CHD4: variants seen among roughly 807,000 people sequenced by gnomAD.
The protein encoded by CHD4 is ATP-dependent chromatin remodeler CHD4.
Under a neutral mutation model 235.5 loss-of-function variants are expected in CHD4, and 35 were observed. The ratio of observed to expected loss-of-function variants is 0.15; its 90% CI spans 0.11 to 0.20. The LOEUF (loss-of-function observed/expected upper bound fraction) is 0.20, where lower values mean the gene tolerates loss of function less well. Among genes scored for constraint, CHD4 ranks in the 10% least tolerant of loss-of-function variants. The probability of loss-of-function intolerance (pLI) is 1.00; values close to 1 mark genes in which losing one functional copy is unlikely to be tolerated. For missense variants in CHD4, 1,329 were observed against 2,432.3 expected (o/e 0.55, Z 9.54); for synonymous variants, 900 against 850.2 (o/e 1.06, Z -1.02).
intron 29 of CHD4, 35 bp from the exon 30 acceptor site, chr12:6,582,316 A>T: frequency 6.5e-7 from 1 of 1,526,826 alleles, no homozygotes; most frequent in Non-Finnish European, 8.8e-7. Context: ...TTAAATAGGG[A>T]TCATGCTGAC....
In CHD4 at chr12:6,575,726, G is replaced by A. The variant is rs185054639; in HGVS notation, c.5361+2059C>T. The stretch of plus-strand genomic sequence containing the variant: ...AAACTTTCAGTGGCTGCCCATTAAC[G>A]ATAGCGTAAAGTCCAAACTCTCTTA... On this transcript the variant is annotated intron_variant, in intron 37 of 39. Coordinates refer to ENST00000544040, the MANE Select transcript of CHD4 (RefSeq NM_001273.5). 2.6e-3 allele frequency among the ~76,000 whole-genome samples: 388 copies of A among 152,084 alleles called. 1 individual carries two copies. The highest frequency in any genetic ancestry group is 8.8e-3 in the African/African-American group (365 of 41,480).
rs1947947898 is a variant in CHD4, at chr12:6,570,619, C to G, written c.*57G>C. ...CAGGCCCCCAGGGGAGAAGCTGGGA[C>G]AAGAGAAAGTGAGGAAGGTCACTGC... On this transcript the variant is annotated 3_prime_UTR_variant, in exon 40 of 40. Transcript: ENST00000544040. 1.2e-6 allele frequency: 2 copies of G among 1,611,178 alleles called. No individual in the cohort carries two copies. Among genetic ancestry groups the G allele is most frequent in the Non-Finnish European group, 1.7e-6 (2 of 1,177,676 alleles).
At chr12:6,588,026 C>T (rs1000457618) in intron 23 of CHD4, 77 bp from the exon 24 acceptor site, 48 of 1,454,208 alleles carry the variant, frequency 3.3e-5, no homozygotes, top group East Asian at 2.7e-4. Context: ...ACATAATATT[C>T]TAAATTCAGT....
chr12:6,576,605 C>T (rs1054095366), intron 37 of CHD4, among the ~76,000 whole-genome samples: 2 of 152,076 alleles, frequency 1.3e-5, no homozygotes, highest in South Asian at 2.1e-4. Flanking sequence ...TCTCTGAGAA[C>T]TTTCTTTTCT....
chr12:6,599,002 T>A (rs1288762149), intron 10 of CHD4, among the ~76,000 whole-genome samples: 3 of 152,200 alleles, frequency 2.0e-5, no homozygotes, highest in African/African-American at 7.2e-5. Context: ...AGGATTTGCG[T>A]GCCACCATCA....
At chr12:6,592,918 C>T in intron 17 of CHD4, 101 bp from the exon 18 acceptor site, 1 of 1,518,522 alleles carries the variant, frequency 6.6e-7, no homozygotes, top group Non-Finnish European at 8.9e-7. Flanking sequence ...TTAAGCATCC[C>T]ACTCCTCACA....
At chr12:6,588,246 C>A (rs373458230) in intron 23 of CHD4, 52 bp downstream of exon 23, 2 of 1,594,966 alleles carry the variant, frequency 1.3e-6, no homozygotes, top group African/African-American at 2.7e-5. Context: ...GGCCACTATG[C>A]CTTTCTAGCA....
chr12:6,600,864 G>T, intron 7 of CHD4, 62 bp downstream of exon 7: 1 of 1,527,998 alleles, frequency 6.5e-7, no homozygotes, highest in East Asian at 2.3e-5. Context: ...GGTTCTGATA[G>T]AAGGTCACAT....
chr12:6,573,012 C>CA, intron 38 of CHD4, 62 bp downstream of exon 38: 1 of 1,483,506 alleles, frequency 6.7e-7, no homozygotes, highest in Non-Finnish European at 9.1e-7. Flanking sequence ...AATATATGTA[C>CA]ATTAGGATGC....
rs1173311189 is a variant in CHD4, at chr12:6,601,587, GAA to G, written c.557+59_558-58del. The stretch of plus-strand genomic sequence containing the variant: ...AGGTTTAAGAATAAAAAAAGAAAGA[GAA>G]GTAAGAAGAGAGAACAGAAAGATTC... On this transcript the variant is annotated intron_variant, in intron 5 of 39. Transcript: ENST00000544040. The G allele has an allele frequency of 3.7e-6, 6 of 1,612,798 alleles. No individual in the cohort carries two copies. The East Asian group carries it at 1.1e-4, about 30-fold the overall frequency.
chr12:6,581,263 T>C, intron 32 of CHD4, 28 bp downstream of exon 32: 5 of 1,613,858 alleles, frequency 3.1e-6, no homozygotes, highest in Middle Eastern at 1.7e-4. Flanking sequence ...TTGTCTTTAG[T>C]ATGGCATTCA....
At chr12:6,595,605 T>C (rs1948476263) in intron 13 of CHD4, among the ~76,000 whole-genome samples, 175 bp from the exon 14 acceptor site, 1 of 151,950 alleles carries the variant, frequency 6.6e-6, no homozygotes, top group Admixed American at 6.6e-5. Context: ...CTGGTCAACA[T>C]GGTGAAACCC....
At chr12:6,596,505 T>C (rs61918045) in intron 12 of CHD4, among the ~76,000 whole-genome samples, 2 of 145,874 alleles carry the variant, frequency 1.4e-5, no homozygotes, top group African/African-American at 5.1e-5. Context: ...AAAAAAAAAT[T>C]AGCCAGGCAT....
intron 2 of CHD4, chr12:6,603,255 G>C (rs760272876): frequency 6.6e-6 from 1 of 152,480 alleles, no homozygotes; most frequent in Non-Finnish European, 1.5e-5. Flanking sequence ...CAAAGCCTGG[G>C]TAAGACTGAA....
intron 38 of CHD4, among the ~76,000 whole-genome samples, chr12:6,572,527 T>TC (rs1394919457): frequency 1.3e-5 from 2 of 152,010 alleles, no homozygotes; most frequent in Admixed American, 6.6e-5. Context: ...ATCCAGGAGT[T>TC]CAAGACCCAC....
Position 6,581,809 on chromosome 12 carries a change from C to T in CHD4, c.4521G>A (p.Gln1507=). Residue 1507 remains glutamine, a synonymous_variant, in exon 31 of 40, where the codon CAG becomes CAA. Transcript: ENST00000544040. ...GVMSLIRKKV[Q]EFEHVNGRWS... ...AGCGCCCATTAACATGTTCAAACTCCTGAACCTGTAGCAATGGGACAAGAA... is the reference window on the plus strand; with the variant it reads ...AGCGCCCATTAACATGTTCAAACTCTTGAACCTGTAGCAATGGGACAAGAA... 1 of 1,518,442 alleles carries T rather than the reference C, an allele frequency of 6.6e-7. No individual in the cohort carries two copies. Among genetic ancestry groups the T allele is most frequent in the East Asian group, 2.3e-5 (1 of 43,870 alleles). 94.1% of individuals were successfully genotyped at this position (1,518,442 alleles called of 1,614,324 possible).
intron 25 of CHD4, among the ~76,000 whole-genome samples, chr12:6,586,498 G>C (rs868782480): frequency 2.6e-5 from 4 of 152,144 alleles, no homozygotes; most frequent in Non-Finnish European, 1.5e-5. Context: ...GTCAAGGCAG[G>C]AGAACTGCTT....
Position 6,581,312 on chromosome 12 carries a change from T to A in CHD4, c.4758A>T (p.Thr1586=). 6.2e-7 allele frequency: 1 copy of A among 1,614,232 alleles called. No homozygotes were observed. The highest frequency in any genetic ancestry group is 2.2e-5 in the East Asian group (1 of 44,886). Residue 1586 remains threonine, a synonymous_variant, in exon 32 of 40, where the codon ACA becomes ACT. Transcript: ENST00000544040. The part of the protein sequence containing the change: ...SIEGEKEVKS[T]APETAIECTQ... ...TTACCTCAATGGCAGTCTCAGGGGC[T>A]GTAGATTTAACCTCCTTTTCTCCTT...
At chr12:6,579,398 A>C (rs1948132309) in intron 33 of CHD4, 1 of 174,490 alleles carries the variant, frequency 5.7e-6, no homozygotes. Flanking sequence ...CAGCCTGGCC[A>C]ACATGGTGAA....
Sources: gnomAD v4.1 joint callset for allele counts (sites outside exome capture counted in the v4.1 genomes callset) on GRCh38, gnomAD v4.1.1 for gene constraint, MANE v1.5 for transcripts, NCBI Gene and HGNC (gene_info 2026-07-23, HGNC 2026-07-21) for gene names.